The following THRB variants were observed in gnomAD, a reference collection of about 807,000 sequenced individuals.
The protein encoded by THRB is nuclear receptor subfamily 1 group A member 2.
Under a neutral mutation model 47.8 loss-of-function variants are expected in THRB, and 12 were observed. That is an observed-to-expected ratio of 0.25 (90% confidence interval 0.16 to 0.41). The LOEUF is 0.41. Ranked by LOEUF, THRB falls within the 10% of genes least tolerant of loss-of-function variation. The pLI, the probability that THRB is intolerant of heterozygous loss-of-function variation, is 1.00. For synonymous variants in THRB, 218 were observed against 212.2 expected, an observed-to-expected ratio of 1.03 and a Z score of -0.24; for missense variants, 348 against 589.2, an observed-to-expected ratio of 0.59 and a Z score of 4.24.
intron 1 of THRB, among the ~76,000 whole-genome samples, chr3:24,407,021 A>G (rs1439964594): frequency 6.6e-6 from 1 of 151,886 alleles, no homozygotes; most frequent in Non-Finnish European, 1.5e-5. Context: ...TAGCACATCC[A>G]AAGAAAGAAA....
chr3:24,251,623 G>A (rs1402004246), intron 3 of THRB, among the ~76,000 whole-genome samples: 1 of 151,956 alleles, frequency 6.6e-6, no homozygotes, highest in Non-Finnish European at 1.5e-5. Context: ...CATAAAGTAG[G>A]AGAAAAGACA....
intron 3 of THRB, among the ~76,000 whole-genome samples, chr3:24,238,412 T>G (rs932551241): frequency 3.3e-5 from 5 of 151,776 alleles, no homozygotes; most frequent in Admixed American, 2.0e-4. Flanking sequence ...ATAATTGTGG[T>G]TAGGTGACTC....
At chr3:24,125,672 C>T (rs1185974606) in intron 10 of THRB, among the ~76,000 whole-genome samples, 2 of 152,164 alleles carry the variant, frequency 1.3e-5, no homozygotes, top group African/African-American at 4.8e-5. Context: ...TGGAGACCAC[C>T]CTCAGCCCTA....
At chr3:24,284,674 C>T (rs1186427603) in intron 3 of THRB, among the ~76,000 whole-genome samples, 1 of 149,048 alleles carries the variant, frequency 6.7e-6, no homozygotes, top group Non-Finnish European at 1.5e-5. Flanking sequence ...ATTTTTGCAA[C>T]CTACTCATCT....
intron 3 of THRB, among the ~76,000 whole-genome samples, chr3:24,259,921 A>G (rs1211406418): frequency 6.6e-6 from 1 of 152,144 alleles, no homozygotes; most frequent in Non-Finnish European, 1.5e-5. Context: ...ATATCATACA[A>G]TTTACCCACA....
At chr3:24,358,936 C>T (rs1242357156) in intron 1 of THRB, among the ~76,000 whole-genome samples, 2 of 152,116 alleles carry the variant, frequency 1.3e-5, no homozygotes, top group African/African-American at 4.8e-5. Flanking sequence ...CTCACGACTT[C>T]CTTGATATAC....
intron 5 of THRB, 167 bp downstream of exon 5, chr3:24,189,907 T>C: frequency 1.5e-6 from 1 of 662,772 alleles, no homozygotes; most frequent in Non-Finnish European, 2.6e-6. Context: ...TATTTATTTA[T>C]GTTTAAAAGA....
chr3:24,170,561 C>T (rs1174373486), intron 5 of THRB, among the ~76,000 whole-genome samples: 1 of 152,188 alleles, frequency 6.6e-6, no homozygotes, highest in Non-Finnish European at 1.5e-5. Context: ...CTCCTGCTTC[C>T]TTGACATAAA....
intron 2 of THRB, among the ~76,000 whole-genome samples, chr3:24,307,986 G>GA (rs2057477895): frequency 6.6e-6 from 1 of 152,162 alleles, no homozygotes. Flanking sequence ...CAGCCTCTGT[G>GA]AATTTTGCCC....
intron 3 of THRB, among the ~76,000 whole-genome samples, chr3:24,233,389 A>G (rs2150138377): frequency 6.6e-6 from 1 of 151,886 alleles, no homozygotes; most frequent in East Asian, 1.9e-4. Flanking sequence ...TTGGGAGGCC[A>G]AGGTGGGAAG....
At chr3:24,320,773 T>A (rs1226660852) in intron 2 of THRB, among the ~76,000 whole-genome samples, 1 of 152,176 alleles carries the variant, frequency 6.6e-6, no homozygotes, top group Non-Finnish European at 1.5e-5. Context: ...AAGTGACTCA[T>A]TGAACTTACC....
At chr3:24,179,459 T>G (rs1376349249) in intron 5 of THRB, among the ~76,000 whole-genome samples, 26 of 152,186 alleles carry the variant, frequency 1.7e-4, no homozygotes, top group Non-Finnish European at 4.4e-5. Flanking sequence ...AAAAGAAATA[T>G]GGTAAAATGT....
intron 2 of THRB, among the ~76,000 whole-genome samples, chr3:24,327,847 G>T (rs2061689017): frequency 6.6e-6 from 1 of 152,174 alleles, no homozygotes; most frequent in Non-Finnish European, 1.5e-5. Context: ...ACATCTGAGA[G>T]TATTCTACTG....
chr3:24,123,004 C>G lies in THRB; in HGVS notation c.1266G>C (p.Leu422=), dbSNP rs778989568. Residue 422 remains leucine, a synonymous_variant, in exon 11 of 11, where the codon CTG becomes CTC. Coordinates refer to ENST00000646209, the MANE Select transcript of THRB (RefSeq NM_001354712.2). ...HHVTHFWPKL[L]MKVTDLRMIG... ...TCATCCGCAGATCTGTCACCTTCAT[C>G]AGGAGTTTTGGCCAAAAGTGTGTCA... The G allele has an allele frequency of 6.2e-7, 1 of 1,614,170 alleles. No homozygotes were observed. The highest frequency in any genetic ancestry group is 8.5e-7 in the Non-Finnish European group (1 of 1,180,040).
chr3:24,464,661 G>A (rs949099735), intron 1 of THRB, among the ~76,000 whole-genome samples: 1 of 151,970 alleles, frequency 6.6e-6, no homozygotes, highest in African/African-American at 2.4e-5. Context: ...TGTCTTATTT[G>A]TTGTTATTGT....
At chr3:24,159,162 G>GTTAT (rs1298273965) in intron 5 of THRB, among the ~76,000 whole-genome samples, 2 of 152,202 alleles carry the variant, frequency 1.3e-5, no homozygotes, top group Non-Finnish European at 2.9e-5. Flanking sequence ...GGGATTCAAG[G>GTTAT]TTATAGCTCT....
At chr3:24,319,934 G>A (rs1003254911) in intron 2 of THRB, among the ~76,000 whole-genome samples, 2 of 152,186 alleles carry the variant, frequency 1.3e-5, no homozygotes, top group African/African-American at 2.4e-5. Context: ...TCAAACAACC[G>A]AGGGCAAAGA....
intron 3 of THRB, among the ~76,000 whole-genome samples, chr3:24,243,291 G>A (rs978353920): frequency 6.6e-6 from 1 of 151,802 alleles, no homozygotes; most frequent in African/African-American, 2.4e-5. Flanking sequence ...GTTTAAAATG[G>A]CATTCCAACA....
intron 1 of THRB, chr3:24,494,370 G>C (rs1443605435): frequency 1.3e-5 from 2 of 152,346 alleles, no homozygotes; most frequent in Admixed American, 6.5e-5. Flanking sequence ...GATTGGAACA[G>C]AGCCCGGCCA....
Sources: allele counts gnomAD v4.1 joint callset (sites outside exome capture counted in the v4.1 genomes callset), GRCh38; gene constraint gnomAD v4.1.1; transcripts MANE v1.5; gene names NCBI Gene and HGNC (gene_info 2026-07-23, HGNC 2026-07-21).